EXOC6B: variants seen among roughly 807,000 people sequenced by gnomAD.
EXOC6B encodes the protein exocyst complex component 6B, also known as SEC15 homolog B.
Under a neutral mutation model 113.5 loss-of-function variants are expected in EXOC6B, and 54 were observed. That is an observed-to-expected ratio of 0.48 (90% CI 0.38 to 0.60). The LOEUF (loss-of-function observed/expected upper bound fraction) is 0.60. Ranked by LOEUF, EXOC6B falls within the 20% of genes least tolerant of loss-of-function variation. The pLI is 0.00. For synonymous variants in EXOC6B, 357 were observed against 339.0 expected (o/e 1.05, Z -0.58); for missense variants, 797 against 977.5 (o/e 0.82, Z 2.46).
chr2:72,504,382 A>T (rs1700491753), intron 11 of EXOC6B, among the ~76,000 whole-genome samples: 1 of 152,162 alleles, frequency 6.6e-6, no homozygotes, highest in Non-Finnish European at 1.5e-5. Context: ...TTCTCTCAAC[A>T]TTATATAAGT....
chr2:72,574,538 G>A (rs1486203825), intron 7 of EXOC6B, among the ~76,000 whole-genome samples: 1 of 152,132 alleles, frequency 6.6e-6, no homozygotes, highest in Non-Finnish European at 1.5e-5. Context: ...TATAACAGGA[G>A]ACAAGTATGG....
chr2:72,639,813 C>A (rs1227656073), intron 6 of EXOC6B, among the ~76,000 whole-genome samples: 2 of 152,164 alleles, frequency 1.3e-5, no homozygotes, highest in Non-Finnish European at 2.9e-5. Flanking sequence ...CCACCTTATA[C>A]CACAATCGTA....
At chr2:72,498,606 GTTTT>G in intron 12 of EXOC6B, 55 bp from the exon 13 acceptor site, 16 of 843,598 alleles carry the variant, frequency 1.9e-5, no homozygotes, top group East Asian at 9.4e-5. Context: ...TTTTTTTTCG[GTTTT>G]TTTTTTTTTT....
intron 8 of EXOC6B, among the ~76,000 whole-genome samples, chr2:72,536,342 ATT>A (rs869037057): frequency 6.6e-6 from 1 of 152,266 alleles, no homozygotes; most frequent in African/African-American, 2.4e-5. Context: ...CAACTGTATT[ATT>A]TCTTACTTTG....
chr2:72,758,349 G>A (rs1440647223), intron 1 of EXOC6B, among the ~76,000 whole-genome samples: 1 of 151,712 alleles, frequency 6.6e-6, no homozygotes, highest in East Asian at 1.9e-4. Context: ...TATTATGATG[G>A]AATCTCTGTT....
At chr2:72,589,639 G>A (rs1218894583) in intron 6 of EXOC6B, among the ~76,000 whole-genome samples, 2 of 151,990 alleles carry the variant, frequency 1.3e-5, no homozygotes, top group East Asian at 1.9e-4. Flanking sequence ...CTGTGAGGTA[G>A]TGTCTACATG....
At chr2:72,486,615 G>C (rs1466440161) in intron 16 of EXOC6B, among the ~76,000 whole-genome samples, 2 of 152,016 alleles carry the variant, frequency 1.3e-5, no homozygotes, top group African/African-American at 4.8e-5. Context: ...GAGCATTTGG[G>C]AGCCTGCCAC....
intron 8 of EXOC6B, among the ~76,000 whole-genome samples, chr2:72,550,869 C>T (rs755139971): frequency 6.6e-5 from 10 of 151,624 alleles, no homozygotes; most frequent in Non-Finnish European, 1.0e-4. Flanking sequence ...TAACCATTAG[C>T]ATCAGAGATA....
At chr2:72,278,582 T>C (rs914922778) in intron 20 of EXOC6B, among the ~76,000 whole-genome samples, 19 of 152,276 alleles carry the variant, frequency 1.2e-4, no homozygotes, top group African/African-American at 3.6e-4. Context: ...AAAAAGAACA[T>C]TGAACTTGAA....
chr2:72,474,569 T>C (rs1054256789), intron 17 of EXOC6B, among the ~76,000 whole-genome samples: 2 of 152,082 alleles, frequency 1.3e-5, no homozygotes, highest in Non-Finnish European at 2.9e-5. Flanking sequence ...ATTTTGCATT[T>C]CATTTAATAA....
At chr2:72,660,833 T>C (rs77452055) in intron 6 of EXOC6B, among the ~76,000 whole-genome samples, 1 of 148,166 alleles carries the variant, frequency 6.7e-6, no homozygotes, top group Non-Finnish European at 1.5e-5. Flanking sequence ...TTTTTTTTTT[T>C]CCTTCTGGTA....
chr2:72,687,010 C>T (rs571598625), intron 6 of EXOC6B, among the ~76,000 whole-genome samples: 60 of 151,818 alleles, frequency 4.0e-4, no homozygotes, highest in African/African-American at 1.4e-3. Flanking sequence ...TGGTGGCGGG[C>T]GCCTGTAGTC....
chr2:72,284,120 A>G (rs991811381), intron 20 of EXOC6B, among the ~76,000 whole-genome samples: 3 of 152,128 alleles, frequency 2.0e-5, no homozygotes, highest in Admixed American at 2.0e-4. Flanking sequence ...ATACTTCCTA[A>G]TTTGTTTTAC....
intron 1 of EXOC6B, among the ~76,000 whole-genome samples, chr2:72,788,754 G>A (rs759279391): frequency 6.6e-6 from 1 of 152,124 alleles, no homozygotes; most frequent in Admixed American, 6.5e-5. Context: ...TGCGGTAATC[G>A]CACCACTGCA....
chr2:72,324,566 A>G (rs1161631572), intron 20 of EXOC6B, among the ~76,000 whole-genome samples: 1 of 152,228 alleles, frequency 6.6e-6, no homozygotes, highest in Non-Finnish European at 1.5e-5. Context: ...ATCATAAGCA[A>G]CATAATTATA....
At chr2:72,799,362 G>A (rs564112683) in intron 1 of EXOC6B, among the ~76,000 whole-genome samples, 1 of 151,994 alleles carries the variant, frequency 6.6e-6, no homozygotes, top group East Asian at 1.9e-4. Context: ...CTGAGCCTAG[G>A]AGATTGAGAC....
At chr2:72,222,858 A>C (rs914552284) in intron 20 of EXOC6B, among the ~76,000 whole-genome samples, 14 of 152,152 alleles carry the variant, frequency 9.2e-5, no homozygotes, top group Middle Eastern at 3.2e-3. Context: ...TCACATATTC[A>C]TTATCCTTCA....
At chr2:72,634,039 A>C (rs1013268382) in intron 6 of EXOC6B, among the ~76,000 whole-genome samples, 1 of 152,112 alleles carries the variant, frequency 6.6e-6, no homozygotes, top group East Asian at 1.9e-4. Flanking sequence ...ATGGGAAAAA[A>C]AAAGAGCATG....
At chr2:72,499,407 T>C in intron 12 of EXOC6B, among the ~76,000 whole-genome samples, 1 of 151,854 alleles carries the variant, frequency 6.6e-6, no homozygotes, top group Admixed American at 6.6e-5. Context: ...ATTTTTGCAT[T>C]TTTACTAAAG....
Sources: gnomAD v4.1 joint callset for allele counts (sites outside exome capture counted in the v4.1 genomes callset) on GRCh38, gnomAD v4.1.1 for gene constraint, MANE v1.5 for transcripts, NCBI Gene and HGNC (gene_info 2026-07-23, HGNC 2026-07-21) for gene names.